Variants in PKHD1 observed in about 807,000 individuals in gnomAD.
PKHD1 encodes PKHD1 ciliary IPT domain containing fibrocystin/polyductin, also known as fibrocystin.
In PKHD1, 291 loss-of-function variants were observed where a neutral mutation model predicts 412.0. That is an observed-to-expected ratio of 0.71 (90% CI 0.64 to 0.78). The LOEUF is 0.78. Among genes scored for constraint, PKHD1 ranks in the 30% least tolerant of loss-of-function variants. The pLI is 0.00. For missense variants in PKHD1, 4,825 were observed against 4,950.7 expected, an observed-to-expected ratio of 0.97 and a Z score of 0.76; for synonymous variants, 1,777 against 1,821.5, an observed-to-expected ratio of 0.98 and a Z score of 0.62.
At chr6:51,977,323 A>C (rs569430947) in intron 35 of PKHD1, among the ~76,000 whole-genome samples, 2 of 152,284 alleles carry the variant, frequency 1.3e-5, no homozygotes, top group Admixed American at 6.5e-5. Flanking sequence ...AGCCCTGTTT[A>C]CCTGTCCACG....
chr6:51,973,490 G>A (rs74581923), intron 35 of PKHD1, among the ~76,000 whole-genome samples: 7 of 152,126 alleles, frequency 4.6e-5, no homozygotes, highest in Admixed American at 4.6e-4. Context: ...AGAATCTTTG[G>A]TGAATACTAA....
At position 52,053,202 on chromosome 6, in the gene PKHD1, C is replaced by T. The variant is rs145228590; in HGVS notation, c.2014G>A (p.Gly672Arg). Residue 672 changes from glycine to arginine, a missense_variant, in exon 21 of 67, where the codon GGG becomes AGG. Gly to Arg is a moderately radical substitution (Grantham distance 125). Transcript: ENST00000371117. ...TTTGCCGGAGGGGGCTGGAGATCCCCGAAGCAACGCACACAAGTCTCCCAG... is the reference window on the plus strand; with the variant it reads ...TTTGCCGGAGGGGGCTGGAGATCCCTGAAGCAACGCACACAAGTCTCCCAG... ...DLWETCVRCF[G>R]DLQPPPANSP... The T allele has an allele frequency of 6.4e-5, 103 of 1,614,048 alleles. No individual in the cohort carries two copies. The highest frequency in any genetic ancestry group is 7.5e-5 in the Non-Finnish European group (89 of 1,180,024).
intron 46 of PKHD1, among the ~76,000 whole-genome samples, chr6:51,874,808 G>C (rs1776587814): frequency 8.7e-6 from 1 of 115,194 alleles, no homozygotes; most frequent in Non-Finnish European, 1.7e-5. Context: ...CCCAGCGTGA[G>C]CGACGCAGAA....
rs1387085689 is a variant in PKHD1 at position 52,016,989 on chromosome 6, GT to G, written c.5600+420del. Among the ~76,000 whole-genome samples, 4 of 152,142 alleles carry G rather than the reference GT, an allele frequency of 2.6e-5. No individual in the cohort carries two copies. The East Asian group carries it at 7.7e-4, about 29-fold the overall frequency. ...ACCCTCCTTCTTTTGAATAAACATT[GT>G]ACAATCTGCTGGATTTCTCTATGGC... On this transcript the variant is annotated intron_variant, in intron 34 of 66. Transcript: ENST00000371117.
intron 34 of PKHD1, among the ~76,000 whole-genome samples, chr6:52,016,160 T>C (rs1800499432): frequency 6.6e-6 from 1 of 152,174 alleles, no homozygotes; most frequent in Non-Finnish European, 1.5e-5. Context: ...AGAGTTCTTC[T>C]TGCCCTTTTA....
At chr6:51,723,760 T>C (rs1267425748) in intron 60 of PKHD1, among the ~76,000 whole-genome samples, 1 of 152,140 alleles carries the variant, frequency 6.6e-6, no homozygotes, top group Non-Finnish European at 1.5e-5. Flanking sequence ...AATCACCAGG[T>C]CTGGGCTTTC....
chr6:51,936,881 T>C (rs963607722), intron 36 of PKHD1, among the ~76,000 whole-genome samples: 4 of 152,192 alleles, frequency 2.6e-5, no homozygotes, highest in Admixed American at 6.5e-5. Context: ...TGAAGTATTT[T>C]ACCCCAAAAT....
rs144531234 is a variant in PKHD1 at position 51,968,588 on chromosome 6, C to G, written c.5752-8562G>C. Among the ~76,000 whole-genome samples, 837 of 152,292 alleles carry G rather than the reference C, an allele frequency of 5.5e-3. 3 individuals are homozygous for G. Among genetic ancestry groups the G allele is most frequent in the African/African-American group, 0.018 (765 of 41,564 alleles). On this transcript the variant is annotated intron_variant, in intron 35 of 66. Coordinates refer to ENST00000371117, the MANE Select transcript of PKHD1 (RefSeq NM_138694.4). ...CCCAGCTTTAATACTGAATATAGGG[C>G]TGGGTATTCTACCAAGACTTCGGAT...
chr6:51,894,655 C>A (rs1189225142), intron 43 of PKHD1, among the ~76,000 whole-genome samples: 1 of 152,208 alleles, frequency 6.6e-6, no homozygotes, highest in Non-Finnish European at 1.5e-5. Context: ...TGCCTACCTA[C>A]CTTCCAGGTC....
chr6:51,954,406 A>C (rs1466084101), intron 36 of PKHD1, among the ~76,000 whole-genome samples: 1 of 152,078 alleles, frequency 6.6e-6, no homozygotes, highest in Non-Finnish European at 1.5e-5. Flanking sequence ...GCCCAGATTC[A>C]GGCTCAGTTC....
At chr6:52,028,057 T>C (rs1464883460) in intron 30 of PKHD1, 99 bp downstream of exon 30, 16 of 1,332,730 alleles carry the variant, frequency 1.2e-5, no homozygotes, top group Non-Finnish European at 1.7e-5. Flanking sequence ...ACCTCTAACT[T>C]CCAAGGGAAA....
chr6:51,647,812 G>C (rs1015185601), intron 63 of PKHD1, among the ~76,000 whole-genome samples: 1 of 152,126 alleles, frequency 6.6e-6, no homozygotes, highest in Non-Finnish European at 1.5e-5. Flanking sequence ...ATTGTGAAAG[G>C]GAAGGGAGAG....
Position 51,830,738 on chromosome 6 carries a change from AAAC to A in PKHD1, c.8302+120_8302+122del. The A allele has an allele frequency of 8.6e-6, 8 of 935,308 alleles. No individual in the cohort carries two copies. The South Asian group carries it at 1.1e-4, about 13-fold the overall frequency. The allele number at this position is 935,308 out of a possible 1,614,324, so 57.9% of individuals were successfully genotyped here. ...AACCCCCCCAAAAAGAGGAAGAATG[AAAC>A]AACATAAGTGCCTACTTATTTCCAA... On this transcript the variant is annotated intron_variant, in intron 52 of 66. Coordinates refer to ENST00000371117, the MANE Select transcript of PKHD1 (RefSeq NM_138694.4).
chr6:51,708,206 C>T (rs979543381), intron 60 of PKHD1, among the ~76,000 whole-genome samples: 1 of 152,162 alleles, frequency 6.6e-6, no homozygotes, highest in Admixed American at 6.5e-5. Flanking sequence ...AAGGAGCAAC[C>T]TCAAAGTCAT....
chr6:51,724,354 C>G (rs989952363), intron 60 of PKHD1, among the ~76,000 whole-genome samples: 1 of 152,102 alleles, frequency 6.6e-6, no homozygotes, highest in Non-Finnish European at 1.5e-5. Flanking sequence ...TCTAAACTGC[C>G]TATAGCCCCT....
chr6:51,754,073 G>A (rs909956368), intron 56 of PKHD1, among the ~76,000 whole-genome samples: 5 of 152,142 alleles, frequency 3.3e-5, no homozygotes, highest in Admixed American at 3.3e-4. Flanking sequence ...TGCCTCTCAA[G>A]TATCAGAGAC....
intron 36 of PKHD1, among the ~76,000 whole-genome samples, chr6:51,946,805 CTT>C (rs887067162): frequency 6.6e-6 from 1 of 152,210 alleles, no homozygotes; most frequent in Non-Finnish European, 1.5e-5. Flanking sequence ...TTAAACATCT[CTT>C]TTGTTTCTTT....
intron 44 of PKHD1, among the ~76,000 whole-genome samples, 190 bp downstream of exon 44, chr6:51,886,943 C>G (rs1778302952): frequency 1.3e-5 from 2 of 152,142 alleles, no homozygotes; most frequent in Admixed American, 1.3e-4. Context: ...CCAAACTCAT[C>G]AAGTTGCATA....
Position 52,025,572 on chromosome 6 carries a change from A to G in PKHD1, c.4238T>C (p.Leu1413Pro). ...AACTGACCTCCTTCTAGAGTTAAGA[A>G]GCAACCCCCTCACAGTAAGTATGGT... is the stretch of plus-strand genomic sequence containing the variant. ...GGTILTVRGL[L>P]LNSRRRSVRV... Residue 1413 changes from leucine (L) to proline (P), a missense_variant, in exon 32 of 67, where the codon CTT becomes CCT. Transcript: ENST00000371117. 6.2e-7 allele frequency: 1 copy of G among 1,614,208 alleles called. No homozygotes were observed. Among genetic ancestry groups the G allele is most frequent in the Non-Finnish European group, 8.5e-7 (1 of 1,180,052 alleles).
Sources: allele counts gnomAD v4.1 joint callset (sites outside exome capture counted in the v4.1 genomes callset), GRCh38; gene constraint gnomAD v4.1.1; transcripts MANE v1.5; gene names NCBI Gene and HGNC (gene_info 2026-07-23, HGNC 2026-07-21).